The following SRGAP1 variants were observed in gnomAD, a reference collection of about 807,000 sequenced individuals.
SRGAP1 encodes the protein SLIT-ROBO Rho GTPase-activating protein 1.
A neutral mutation model predicts 121.9 loss-of-function variants in SRGAP1; 43 were observed. The observed-to-expected ratio is 0.35, with a 90% CI of 0.28 to 0.46. The LOEUF (loss-of-function observed/expected upper bound fraction) is 0.46. Among genes scored for constraint, SRGAP1 ranks in the 20% least tolerant of loss-of-function variants. SRGAP1 has a pLI of 1.00. For missense variants in SRGAP1, 1,102 were observed against 1,350.9 expected (o/e 0.82, Z 2.89); for synonymous variants, 447 against 485.4 (o/e 0.92, Z 1.04).
intron 1 of SRGAP1, chr12:63,879,347 C>G (rs1051702225): frequency 2.0e-5 from 3 of 152,162 alleles, no homozygotes; most frequent in Non-Finnish European, 4.4e-5. Context: ...AAATGCACCT[C>G]TGCATACTTA....
intron 19 of SRGAP1, among the ~76,000 whole-genome samples, chr12:64,127,086 A>G (rs994393520): frequency 3.9e-5 from 6 of 152,320 alleles, no homozygotes; most frequent in Admixed American, 1.3e-4. Context: ...CCTAGGAGCA[A>G]TAGGCTCCAC....
At chr12:63,999,181 A>C (rs1343972263) in intron 3 of SRGAP1, among the ~76,000 whole-genome samples, 3 of 152,228 alleles carry the variant, frequency 2.0e-5, no homozygotes, top group South Asian at 2.1e-4. Context: ...GAGAGATTTC[A>C]TGGAGGAAAA....
At position 64,152,883 on chromosome 12, in the gene SRGAP1, C is replaced by G. The variant is rs1360006374; in HGVS notation, c.*10211C>G. Reference sequence around the variant, plus strand: ...GAATGAGACACACAGGGCTCCTGGTCTCATGGAGTGTACTTCCTGGTATGA... The same window carrying G: ...GAATGAGACACACAGGGCTCCTGGTGTCATGGAGTGTACTTCCTGGTATGA... On this transcript the variant is annotated 3_prime_UTR_variant, in exon 22 of 22. Coordinates refer to ENST00000355086, the MANE Select transcript of SRGAP1 (RefSeq NM_020762.4). 3.0e-5 allele frequency: 4 copies of G among 131,778 alleles called. No individual in the cohort carries two copies. Among genetic ancestry groups the G allele is most frequent in the African/African-American group, 1.2e-4 (4 of 34,588 alleles). 8.2% of individuals were successfully genotyped at this position (131,778 alleles called of 1,614,324 possible).
chr12:64,075,376 G>A (rs921113936), intron 8 of SRGAP1, among the ~76,000 whole-genome samples: 1 of 152,206 alleles, frequency 6.6e-6, no homozygotes, highest in African/African-American at 2.4e-5. Flanking sequence ...CGGGCCAGGT[G>A]TTCCTTGCCC....
At chr12:64,023,204 C>CAAA (rs11312893) in intron 4 of SRGAP1, among the ~76,000 whole-genome samples, 37 of 77,046 alleles carry the variant, frequency 4.8e-4, no homozygotes, top group Non-Finnish European at 7.0e-4. Context: ...ACTTTTGTAC[C>CAAA]AAAAAAAAAA....
At chr12:63,893,455 G>T (rs1194019533) in intron 1 of SRGAP1, among the ~76,000 whole-genome samples, 1 of 152,152 alleles carries the variant, frequency 6.6e-6, no homozygotes, top group South Asian at 2.1e-4. Flanking sequence ...TCAGGGAAAA[G>T]AATAAAGTAA....
chr12:63,849,838 C>G (rs1899017556), intron 1 of SRGAP1, among the ~76,000 whole-genome samples: 1 of 152,192 alleles, frequency 6.6e-6, no homozygotes, highest in South Asian at 2.1e-4. Flanking sequence ...GACCAGAACC[C>G]AGGTTATCTT....
In SRGAP1 at chr12:63,930,183, C is replaced by T. The variant is rs114230786; in HGVS notation, c.68-53764C>T. Among the ~76,000 whole-genome samples the T allele has an allele frequency of 7.7e-3, 1,177 of 152,046 alleles. 16 individuals are homozygous for T. The highest frequency in any genetic ancestry group is 0.026 in the African/African-American group (1,064 of 41,488). Reference sequence around the variant, plus strand: ...TTTTCACAGAGAAATAACAGAAATTCGTAACACTCAAAAGGGAGCTCCCAT... The same window carrying T: ...TTTTCACAGAGAAATAACAGAAATTTGTAACACTCAAAAGGGAGCTCCCAT... On this transcript the variant is annotated intron_variant, in intron 1 of 21. Coordinates refer to ENST00000355086, the MANE Select transcript of SRGAP1 (RefSeq NM_020762.4).
intron 19 of SRGAP1, among the ~76,000 whole-genome samples, chr12:64,126,371 T>C (rs1236372066): frequency 1.3e-5 from 2 of 152,246 alleles, no homozygotes; most frequent in Non-Finnish European, 2.9e-5. Flanking sequence ...GGAGACATCT[T>C]CTGAAGCTTT....
At chr12:63,914,020 G>A (rs1386803268) in intron 1 of SRGAP1, among the ~76,000 whole-genome samples, 8 of 152,014 alleles carry the variant, frequency 5.3e-5, no homozygotes, top group Non-Finnish European at 1.0e-4. Context: ...GTACCTAAGG[G>A]CAAAGTCCCT....
chr12:63,923,462 T>A (rs1433846710), intron 1 of SRGAP1, among the ~76,000 whole-genome samples: 1 of 152,242 alleles, frequency 6.6e-6, no homozygotes, highest in Non-Finnish European at 1.5e-5. Flanking sequence ...GTAATTTTTT[T>A]AACCAGTGGT....
chr12:63,997,025 T>C (rs1350696727), intron 3 of SRGAP1, among the ~76,000 whole-genome samples: 4 of 152,142 alleles, frequency 2.6e-5, no homozygotes, highest in African/African-American at 9.6e-5. Flanking sequence ...GTTACATTGT[T>C]GCTTTTATTA....
chr12:63,851,195 G>A (rs2136253677), intron 1 of SRGAP1, among the ~76,000 whole-genome samples: 1 of 152,214 alleles, frequency 6.6e-6, no homozygotes, highest in African/African-American at 2.4e-5. Flanking sequence ...TTATGTAAAG[G>A]TAATTTTGTC....
chr12:63,976,300 T>G (rs2033092063), intron 1 of SRGAP1, among the ~76,000 whole-genome samples: 1 of 152,142 alleles, frequency 6.6e-6, no homozygotes. Context: ...AGAATTCAAT[T>G]TCGGCAATTG....
At chr12:64,075,602 G>A (rs539752671) in intron 8 of SRGAP1, among the ~76,000 whole-genome samples, 15 of 152,242 alleles carry the variant, frequency 9.9e-5, no homozygotes, top group Admixed American at 2.6e-4. Flanking sequence ...AAACCTGTGC[G>A]TGATACTGTC....
At chr12:64,023,777 G>A (rs564586295) in intron 4 of SRGAP1, among the ~76,000 whole-genome samples, 23 of 152,334 alleles carry the variant, frequency 1.5e-4, no homozygotes, top group African/African-American at 5.3e-4. Flanking sequence ...ATGAGGGCAA[G>A]CACATTATCC....
intron 1 of SRGAP1, among the ~76,000 whole-genome samples, chr12:63,868,083 TTTTTTTTTTGTTTTTTG>T (rs1899720561): frequency 1.2e-5 from 1 of 84,812 alleles, no homozygotes; most frequent in African/African-American, 4.8e-5. Flanking sequence ...TTTTTTGTTT[TTTTTTTTTTGTTTTTTG>T]AGATAGAGTT....
rs903651791 is a variant in SRGAP1, at chr12:64,152,049, A to G, written c.*9377A>G. 3 of 152,182 alleles carry G rather than the reference A, an allele frequency of 2.0e-5. No individual in the cohort carries two copies. The highest frequency in any genetic ancestry group is 4.4e-5 in the Non-Finnish European group (3 of 68,030). 9.4% of individuals were successfully genotyped at this position (152,182 alleles called of 1,614,324 possible). A position where few individuals can be genotyped will look rare whatever the true frequency, so the allele number is the denominator to read the frequency against. ...TGAAATGATTATCTACACTGCTGCC[A>G]ATAAATCATCTTTCTCAAAAACAAA... On this transcript the variant is annotated 3_prime_UTR_variant, in exon 22 of 22. Transcript: ENST00000355086.
intron 15 of SRGAP1, among the ~76,000 whole-genome samples, chr12:64,108,067 G>A (rs1195226010): frequency 6.6e-6 from 1 of 152,212 alleles, no homozygotes. Flanking sequence ...GGGGATGACA[G>A]TGTGTGCCCT....
Sources: allele counts gnomAD v4.1 joint callset (sites outside exome capture counted in the v4.1 genomes callset), GRCh38; gene constraint gnomAD v4.1.1; transcripts MANE v1.5; gene names NCBI Gene and HGNC (gene_info 2026-07-23, HGNC 2026-07-21).